The following ARID1B variants were observed in gnomAD, a reference collection of about 807,000 sequenced individuals.
ARID1B encodes the protein AT-rich interaction domain 1B, also known as AT-rich interactive domain-containing protein 1B.
ARID1B carries 30 observed loss-of-function variants against 212.3 expected under a neutral mutation model. The observed-to-expected ratio is 0.14, with a 90% CI of 0.11 to 0.19. The LOEUF is 0.19. Ranked by LOEUF, ARID1B falls within the 10% of genes least tolerant of loss-of-function variation. The pLI is 1.00. For missense variants in ARID1B, 2,891 were observed against 3,204.0 expected (o/e 0.90, Z 2.36); for synonymous variants, 1,402 against 1,301.7 (o/e 1.08, Z -1.66).
At chr6:156,842,545 A>C (rs1049655748) in intron 2 of ARID1B, among the ~76,000 whole-genome samples, 8 of 152,202 alleles carry the variant, frequency 5.3e-5, no homozygotes, top group Admixed American at 5.2e-4. Flanking sequence ...ACCTTTTAGC[A>C]ATTGTAAATA....
chr6:156,888,246 G>A (rs2128182461), intron 2 of ARID1B, among the ~76,000 whole-genome samples: 1 of 152,318 alleles, frequency 6.6e-6, no homozygotes, highest in Admixed American at 6.5e-5. Flanking sequence ...CTGGCCAGAA[G>A]GGCAGATAAG....
intron 1 of ARID1B, among the ~76,000 whole-genome samples, chr6:156,818,513 C>T (rs1295395780): frequency 6.6e-6 from 1 of 152,068 alleles, no homozygotes; most frequent in Non-Finnish European, 1.5e-5. Context: ...AATTGTTTAT[C>T]CTTGCAAATC....
chr6:156,787,224 A>C (rs763166219), intron 1 of ARID1B, among the ~76,000 whole-genome samples: 12 of 152,126 alleles, frequency 7.9e-5, no homozygotes, highest in Non-Finnish European at 1.5e-4. Flanking sequence ...AAAAAAGTTA[A>C]AACAGTCTGT....
At chr6:156,830,387 T>A (rs1367906527) in intron 2 of ARID1B, among the ~76,000 whole-genome samples, 1 of 152,216 alleles carries the variant, frequency 6.6e-6, no homozygotes, top group Non-Finnish European at 1.5e-5. Flanking sequence ...TGCTTCCATC[T>A]GACCAGACAT....
intron 8 of ARID1B, 115 bp downstream of exon 8, chr6:157,149,066 CT>C: frequency 9.3e-7 from 1 of 1,075,532 alleles, no homozygotes; most frequent in East Asian, 2.6e-5. Context: ...TAGAATGTCA[CT>C]GTGCTTGGCC....
At chr6:157,056,526 G>A (rs1043061137) in intron 4 of ARID1B, among the ~76,000 whole-genome samples, 3 of 152,168 alleles carry the variant, frequency 2.0e-5, no homozygotes, top group Non-Finnish European at 4.4e-5. Flanking sequence ...TTCTGGGGTG[G>A]GTGGAGGATG....
At position 157,100,385 on chromosome 6, in the gene ARID1B, C is replaced by T. The variant is rs531852051; in HGVS notation, c.2492-10087C>T. On this transcript the variant is annotated intron_variant, in intron 5 of 19. Coordinates refer to ENST00000636930, the MANE Select transcript of ARID1B (RefSeq NM_001374828.1). ...ACTTCAGATAAACTGTTAACCGGAA[C>T]CACTAAGCGGAAGCCTGAGCAGATT... Among the ~76,000 whole-genome samples, 5 of 152,326 alleles carry T rather than the reference C, an allele frequency of 3.3e-5. No individual in the cohort carries two copies. In the South Asian group the frequency reaches 6.2e-4, roughly 19 times the overall value.
At chr6:156,898,326 A>G (rs1022265444) in intron 2 of ARID1B, among the ~76,000 whole-genome samples, 12 of 152,170 alleles carry the variant, frequency 7.9e-5, no homozygotes, top group Non-Finnish European at 4.4e-5. Flanking sequence ...TTCCTCACGC[A>G]TCGGTCCTTT....
At chr6:157,059,410 A>G (rs1006993578) in intron 4 of ARID1B, among the ~76,000 whole-genome samples, 1 of 152,224 alleles carries the variant, frequency 6.6e-6, no homozygotes, top group Admixed American at 6.5e-5. Flanking sequence ...TGAAATCTTC[A>G]TTACATAGTG....
chr6:156,860,412 G>GAAA (rs1491256505), intron 2 of ARID1B, among the ~76,000 whole-genome samples: 2 of 151,652 alleles, frequency 1.3e-5, no homozygotes, highest in Admixed American at 1.3e-4. Context: ...ATTTGAAAAT[G>GAAA]AAACAGGACA....
chr6:157,095,319 A>G (rs1785540755), intron 5 of ARID1B, among the ~76,000 whole-genome samples: 1 of 152,218 alleles, frequency 6.6e-6, no homozygotes, highest in South Asian at 2.1e-4. Context: ...ATGCTGAGCT[A>G]ATCGGTCTGA....
At chr6:157,159,579 G>A (rs529905849) in intron 8 of ARID1B, among the ~76,000 whole-genome samples, 68 of 152,236 alleles carry the variant, frequency 4.5e-4, no homozygotes, top group Non-Finnish European at 7.9e-4. Flanking sequence ...TGAGAAGTCT[G>A]TGTGAAGTAT....
chr6:157,059,006 C>T (rs1324278242), intron 4 of ARID1B, among the ~76,000 whole-genome samples: 3 of 151,378 alleles, frequency 2.0e-5, no homozygotes, highest in Non-Finnish European at 4.4e-5. Flanking sequence ...AACACCTTGC[C>T]TAGATGTTTC....
At chr6:157,135,285 T>G (rs947669476) in intron 7 of ARID1B, among the ~76,000 whole-genome samples, 20 of 152,170 alleles carry the variant, frequency 1.3e-4, no homozygotes, top group African/African-American at 4.8e-4. Flanking sequence ...TGCTTCCACT[T>G]CTAATGTTCT....
At chr6:157,125,765 A>G (rs1420980934) in intron 6 of ARID1B, among the ~76,000 whole-genome samples, 2 of 152,210 alleles carry the variant, frequency 1.3e-5, no homozygotes, top group East Asian at 1.9e-4. Flanking sequence ...ATGAGGGTAG[A>G]TGTTGCCTGT....
At chr6:156,981,443 G>A (rs533399099) in intron 4 of ARID1B, among the ~76,000 whole-genome samples, 4 of 152,274 alleles carry the variant, frequency 2.6e-5, no homozygotes, top group East Asian at 3.9e-4. Context: ...ACAAAATTTA[G>A]GAATGTATGA....
At chr6:157,188,566 C>T (rs1198004073) in intron 13 of ARID1B, among the ~76,000 whole-genome samples, 2 of 152,202 alleles carry the variant, frequency 1.3e-5, no homozygotes, top group South Asian at 2.1e-4. Context: ...AGGCATTCTA[C>T]ACAATAACAT....
intron 4 of ARID1B, among the ~76,000 whole-genome samples, chr6:156,986,809 G>A (rs1025762809): frequency 1.3e-5 from 2 of 152,112 alleles, no homozygotes; most frequent in African/African-American, 2.4e-5. Context: ...TAGTAAAGTG[G>A]TAGCAAAATG....
chr6:157,156,646 C>T (rs904473714), intron 8 of ARID1B, among the ~76,000 whole-genome samples: 12 of 152,136 alleles, frequency 7.9e-5, no homozygotes, highest in Non-Finnish European at 1.6e-4. Flanking sequence ...CACTCGTGAG[C>T]GTCACCCAGA....
Sources: gnomAD v4.1 joint callset for allele counts (sites outside exome capture counted in the v4.1 genomes callset) on GRCh38, gnomAD v4.1.1 for gene constraint, MANE v1.5 for transcripts, NCBI Gene and HGNC (gene_info 2026-07-23, HGNC 2026-07-21) for gene names.